MACROD2: variants seen among roughly 807,000 people sequenced by gnomAD.
MACROD2 encodes mono-ADP ribosylhydrolase 2.
A neutral mutation model predicts 70.4 loss-of-function variants in MACROD2; 36 were observed. That is an observed-to-expected ratio of 0.51 (90% CI 0.39 to 0.68). MACROD2 has a LOEUF of 0.68. Among genes scored for constraint, MACROD2 ranks in the 30% least tolerant of loss-of-function variants. The probability of loss-of-function intolerance (pLI) is 0.00; values close to 1 mark genes in which losing one functional copy is unlikely to be tolerated. For missense variants in MACROD2, 496 were observed against 538.4 expected, an observed-to-expected ratio of 0.92 and a Z score of 0.78; for synonymous variants, 172 against 178.8, an observed-to-expected ratio of 0.96 and a Z score of 0.30.
At chr20:15,479,448 A>G (rs557807001) in intron 7 of MACROD2, among the ~76,000 whole-genome samples, 125 of 150,448 alleles carry the variant, frequency 8.3e-4, no homozygotes, top group Non-Finnish European at 1.6e-3. Flanking sequence ...AATTTTTTGT[A>G]TTTTTAGTAG....
chr20:15,090,772 TTTGGAGACACAGAAATGTCC>T (rs1471381354), intron 5 of MACROD2, among the ~76,000 whole-genome samples: 1 of 151,904 alleles, frequency 6.6e-6, no homozygotes, highest in Non-Finnish European at 1.5e-5. Context: ...TAAACTGAGT[TTTGGAGACACAGAAATGTCC>T]TTGGAACCCA....
chr20:14,920,057 A>G (rs1346330791), intron 5 of MACROD2, among the ~76,000 whole-genome samples: 1 of 152,088 alleles, frequency 6.6e-6, no homozygotes, highest in Non-Finnish European at 1.5e-5. Flanking sequence ...TGCATCTCAA[A>G]CAGCCGGCAG....
chr20:15,658,130 AATTC>A (rs1568957166), intron 8 of MACROD2, among the ~76,000 whole-genome samples: 1 of 151,476 alleles, frequency 6.6e-6, no homozygotes, highest in East Asian at 1.9e-4. Context: ...ATTAAATAAT[AATTC>A]ATTAATAATT....
chr20:15,765,654 C>T (rs1354343941), intron 8 of MACROD2, among the ~76,000 whole-genome samples: 1 of 151,970 alleles, frequency 6.6e-6, no homozygotes, highest in African/African-American at 2.4e-5. Flanking sequence ...AGAGGGAAAA[C>T]ATAAAAAGTT....
chr20:15,773,208 A>G (rs1396387381), intron 8 of MACROD2, among the ~76,000 whole-genome samples: 1 of 152,118 alleles, frequency 6.6e-6, no homozygotes, highest in Non-Finnish European at 1.5e-5. Flanking sequence ...TCTACAAATA[A>G]TTGGTTTTGT....
In MACROD2 at chr20:14,776,745, GTTATACTGCTTGATGAAA is replaced by G. The variant is rs537246756; in HGVS notation, c.418+91789_418+91806del. On this transcript the variant is annotated intron_variant, in intron 5 of 17. Transcript: ENST00000684519. ...TACATATTGGAATGTGCAAGTATCA[GTTATACTGCTTGATGAAA>G]TTTTACCAGCTGGATGTTTTTGTAG... is the stretch of plus-strand genomic sequence containing the variant. Among the ~76,000 whole-genome samples, 76 of 152,142 alleles carry G rather than the reference GTTATACTGCTTGATGAAA, an allele frequency of 5.0e-4. 1 individual carries two copies. The highest frequency in any genetic ancestry group is 1.8e-3 in the African/African-American group (73 of 41,464).
chr20:15,949,811 C>T (rs567989759), intron 12 of MACROD2, among the ~76,000 whole-genome samples: 20 of 152,206 alleles, frequency 1.3e-4, no homozygotes, highest in Non-Finnish European at 2.5e-4. Flanking sequence ...TAGAGTGATT[C>T]GCACTCTACT....
chr20:15,720,562 C>T (rs766514299), intron 8 of MACROD2, among the ~76,000 whole-genome samples: 2 of 152,146 alleles, frequency 1.3e-5, no homozygotes, highest in Admixed American at 6.5e-5. Flanking sequence ...ATCAATGCCT[C>T]GTTAGAGATG....
chr20:14,363,898 A>T, intron 3 of MACROD2, among the ~76,000 whole-genome samples: 1 of 151,932 alleles, frequency 6.6e-6, no homozygotes, highest in East Asian at 1.9e-4. Flanking sequence ...ATGTGTCAGA[A>T]AAAGGGAACA....
intron 15 of MACROD2, among the ~76,000 whole-genome samples, chr20:15,992,384 C>A (rs951820777): frequency 6.6e-6 from 1 of 152,148 alleles, no homozygotes; most frequent in Admixed American, 6.5e-5. Flanking sequence ...TAATCTCAGG[C>A]TCCAAGCTCC....
chr20:15,907,535 T>G (rs1384435457), intron 10 of MACROD2, among the ~76,000 whole-genome samples: 1 of 152,236 alleles, frequency 6.6e-6, no homozygotes, highest in African/African-American at 2.4e-5. Flanking sequence ...ATCAACTAAT[T>G]AGCAAAGGGT....
rs1399940982 is a variant in MACROD2, at chr20:15,016,717, A to G, written c.419-213223A>G. Among the ~76,000 whole-genome samples, 4 of 152,300 alleles carry G rather than the reference A, an allele frequency of 2.6e-5. No homozygotes were observed. In the East Asian group the frequency reaches 5.8e-4, roughly 22 times the overall value. On this transcript the variant is annotated intron_variant, in intron 5 of 17. Transcript: ENST00000684519. ...GGTTGAATTGGACTTACAGTTGCAC[A>G]TGACTGGGGAGGCCTCAGAATAATG...
chr20:14,684,126 A>G (rs2070969441), intron 4 of MACROD2, among the ~76,000 whole-genome samples: 1 of 152,206 alleles, frequency 6.6e-6, no homozygotes, highest in Non-Finnish European at 1.5e-5. Context: ...CCCTTCTGGC[A>G]GAGTCGGAGC....
intron 8 of MACROD2, among the ~76,000 whole-genome samples, chr20:15,514,562 T>C (rs528656100): frequency 2.6e-5 from 4 of 152,198 alleles, no homozygotes; most frequent in Non-Finnish European, 4.4e-5. Flanking sequence ...TTTGTATAAG[T>C]ATACTCTATG....
chr20:14,519,422 CT>C (rs2085140130), intron 4 of MACROD2, among the ~76,000 whole-genome samples: 1 of 151,908 alleles, frequency 6.6e-6, no homozygotes, highest in South Asian at 2.1e-4. Flanking sequence ...TGAACAGGCA[CT>C]TTTCAAAGAA....
chr20:15,770,315 T>C (rs2051603359), intron 8 of MACROD2, among the ~76,000 whole-genome samples: 1 of 152,182 alleles, frequency 6.6e-6, no homozygotes, highest in South Asian at 2.1e-4. Context: ...TGGTCATTTA[T>C]AGCCTTTCTA....
intron 3 of MACROD2, among the ~76,000 whole-genome samples, chr20:14,319,004 G>A (rs568895724): frequency 1.9e-4 from 29 of 152,308 alleles, no homozygotes; most frequent in South Asian, 6.2e-4. Context: ...GGGTAGGGGA[G>A]AGGTGTGGGA....
At chr20:15,513,198 C>G (rs1365797838) in intron 8 of MACROD2, among the ~76,000 whole-genome samples, 4 of 152,170 alleles carry the variant, frequency 2.6e-5, no homozygotes, top group African/African-American at 9.7e-5. Context: ...GCCTTTTTGT[C>G]TAGAGGCAGG....
chr20:14,422,458 T>G (rs547821648), intron 3 of MACROD2, among the ~76,000 whole-genome samples: 1 of 152,344 alleles, frequency 6.6e-6, no homozygotes, highest in East Asian at 1.9e-4. Context: ...GTTATTTGTT[T>G]TCTTATAGCT....
Sources: gnomAD v4.1 joint callset for allele counts (sites outside exome capture counted in the v4.1 genomes callset) on GRCh38, gnomAD v4.1.1 for gene constraint, MANE v1.5 for transcripts, NCBI Gene and HGNC (gene_info 2026-07-23, HGNC 2026-07-21) for gene names.